The following ANGPT1 variants were observed in gnomAD, a reference collection of about 807,000 sequenced individuals.
ANGPT1 encodes the protein angiopoietin-1.
ANGPT1 carries 17 observed loss-of-function variants against 62.2 expected under a neutral mutation model. The observed-to-expected ratio is 0.27, with a 90% CI of 0.19 to 0.41. ANGPT1 has a LOEUF of 0.41. ANGPT1 is among the 10% of genes least tolerant of loss of function. The pLI is 1.00. For missense variants in ANGPT1, 478 were observed against 594.9 expected, an observed-to-expected ratio of 0.80 and a Z score of 2.04; for synonymous variants, 199 against 198.9, an observed-to-expected ratio of 1.00 and a Z score of 0.00.
chr8:107,302,614 T>C (rs557985693), intron 5 of ANGPT1, among the ~76,000 whole-genome samples: 2 of 152,060 alleles, frequency 1.3e-5, no homozygotes, highest in African/African-American at 4.8e-5. Flanking sequence ...GATGATTTAA[T>C]GAATAAATGG....
At chr8:107,324,992 C>A (rs926540219) in intron 3 of ANGPT1, among the ~76,000 whole-genome samples, 2 of 152,062 alleles carry the variant, frequency 1.3e-5, no homozygotes, top group South Asian at 2.1e-4. Context: ...TTTAAAAATT[C>A]TTTTGGAAAT....
chr8:107,371,681 A>G lies in ANGPT1; in HGVS notation c.298-24584T>C, dbSNP rs187418866. Among the ~76,000 whole-genome samples, 538 of 147,092 alleles carry G rather than the reference A, an allele frequency of 3.7e-3. 1 individual carries two copies. Among genetic ancestry groups the G allele is most frequent in the African/African-American group, 0.013 (504 of 39,516 alleles). On this transcript the variant is annotated intron_variant, in intron 1 of 8. Transcript: ENST00000517746. ...AACCTCCACCTCCCAGGTTCAAGTG[A>G]TTCTCCAGCCTCAACCTCCCTAGTA... is the stretch of plus-strand genomic sequence containing the variant.
intron 1 of ANGPT1, among the ~76,000 whole-genome samples, chr8:107,410,709 C>T (rs1249026344): frequency 1.3e-5 from 2 of 152,162 alleles, no homozygotes; most frequent in African/African-American, 4.8e-5. Flanking sequence ...TGTGACTTAA[C>T]AAACAAATGG....
intron 1 of ANGPT1, among the ~76,000 whole-genome samples, chr8:107,354,910 G>T (rs1816009221): frequency 6.8e-6 from 1 of 147,756 alleles, no homozygotes; most frequent in Admixed American, 6.7e-5. Flanking sequence ...ACACCAGATG[G>T]TGTTGCTTTT....
chr8:107,439,134 AG>A (rs897721427), intron 1 of ANGPT1, among the ~76,000 whole-genome samples: 1 of 152,232 alleles, frequency 6.6e-6, no homozygotes, highest in Non-Finnish European at 1.5e-5. Flanking sequence ...TCAGACTTAT[AG>A]GAAATCACTT....
At chr8:107,492,018 CA>C (rs1812971127) in intron 1 of ANGPT1, among the ~76,000 whole-genome samples, 1 of 152,110 alleles carries the variant, frequency 6.6e-6, no homozygotes, top group South Asian at 2.1e-4. Context: ...GCTGTTATAA[CA>C]CTAACTGCCT....
At chr8:107,483,245 G>A (rs1164943208) in intron 1 of ANGPT1, among the ~76,000 whole-genome samples, 1 of 152,064 alleles carries the variant, frequency 6.6e-6, no homozygotes, top group Admixed American at 6.6e-5. Context: ...AAGTATGTAA[G>A]CTTTAGTCTC....
At chr8:107,457,876 G>GA (rs544847621) in intron 1 of ANGPT1, among the ~76,000 whole-genome samples, 1 of 147,844 alleles carries the variant, frequency 6.8e-6, no homozygotes, top group Non-Finnish European at 1.5e-5. Flanking sequence ...ACCAAGAGGG[G>GA]AAAAAAATAC....
chr8:107,293,444 G>A lies in ANGPT1; in HGVS notation c.1038+492C>T, dbSNP rs78480014. Among the ~76,000 whole-genome samples the A allele has an allele frequency of 1.4e-3, 207 of 152,274 alleles. 2 individuals carry two copies. The East Asian group carries it at 0.033, about 24-fold the overall frequency. On this transcript the variant is annotated intron_variant, in intron 6 of 8. Coordinates refer to ENST00000517746, the MANE Select transcript of ANGPT1 (RefSeq NM_001146.5). ...GTCTTTGGAGGATGACAAGTGCTAC[G>A]TAAGAAGTCTGATAACCCTGGATCA...
intron 6 of ANGPT1, among the ~76,000 whole-genome samples, 183 bp from the exon 7 acceptor site, chr8:107,285,031 TTCTG>T (rs949438320): frequency 4.9e-4 from 74 of 152,316 alleles, no homozygotes; most frequent in African/African-American, 1.6e-3. Flanking sequence ...TCATCAAAGC[TTCTG>T]TCTAATTCTT....
intron 5 of ANGPT1, 114 bp from the exon 6 acceptor site, chr8:107,294,151 A>T: frequency 1.6e-6 from 1 of 637,068 alleles, no homozygotes; most frequent in Non-Finnish European, 2.6e-6. Flanking sequence ...CAAAAACCGA[A>T]ATTACTATAT....
chr8:107,462,377 A>G (rs573585421), intron 1 of ANGPT1, among the ~76,000 whole-genome samples: 1 of 151,868 alleles, frequency 6.6e-6, no homozygotes, highest in African/African-American at 2.4e-5. Flanking sequence ...AATATGAACT[A>G]GACAATTTGG....
rs546116600 is a variant in ANGPT1 at position 107,313,723 on chromosome 8, G to A, written c.808+8173C>T. Among the ~76,000 whole-genome samples, 17 of 151,974 alleles carry A rather than the reference G, an allele frequency of 1.1e-4. No individual in the cohort carries two copies. The East Asian group carries it at 1.9e-3, about 17-fold the overall frequency. ...CTCCCAAAGTGCTGGGACTACAGGC[G>A]TGAGCCACCACGACTGGCCAAAATG... On this transcript the variant is annotated intron_variant, in intron 4 of 8. Coordinates refer to ENST00000517746, the MANE Select transcript of ANGPT1 (RefSeq NM_001146.5).
At chr8:107,390,582 T>G (rs1476820543) in intron 1 of ANGPT1, among the ~76,000 whole-genome samples, 3 of 152,192 alleles carry the variant, frequency 2.0e-5, no homozygotes. Context: ...GGATCCAGAA[T>G]GAATCCTCAA....
In ANGPT1 at chr8:107,303,907, C is replaced by T. The variant is rs537278688; in HGVS notation, c.809-540G>A. 2.0e-5 allele frequency among the ~76,000 whole-genome samples: 3 copies of T among 151,882 alleles called. No homozygotes were observed. The South Asian group carries it at 6.2e-4, about 31-fold the overall frequency. ...ATTGAAGAGCTTCTAGAAAATTTTA[C>T]CAACAAAACAAAGCAAAACAAAAAG... is the stretch of plus-strand genomic sequence containing the variant. On this transcript the variant is annotated intron_variant, in intron 4 of 8. Transcript: ENST00000517746.
At chr8:107,278,773 C>T (rs1481986859) in intron 7 of ANGPT1, among the ~76,000 whole-genome samples, 1 of 152,242 alleles carries the variant, frequency 6.6e-6, no homozygotes, top group African/African-American at 2.4e-5. Flanking sequence ...AGATGCTTGA[C>T]TGCACAACCT....
chr8:107,436,950 T>A (rs1040363603), intron 1 of ANGPT1, among the ~76,000 whole-genome samples: 13 of 152,194 alleles, frequency 8.5e-5, no homozygotes, highest in Non-Finnish European at 1.9e-4. Flanking sequence ...ATTTAAACAG[T>A]TGAGATAACA....
intron 3 of ANGPT1, among the ~76,000 whole-genome samples, chr8:107,332,093 T>C (rs1815436012): frequency 6.6e-6 from 1 of 152,166 alleles, no homozygotes; most frequent in African/African-American, 2.4e-5. Flanking sequence ...GGAAACTGCA[T>C]TAGGACATCA....
intron 2 of ANGPT1, among the ~76,000 whole-genome samples, chr8:107,338,855 G>A (rs1293636803): frequency 6.6e-6 from 1 of 152,154 alleles, no homozygotes. Context: ...ATGTTTTGGT[G>A]ACATTTAGAA....
Sources: allele counts gnomAD v4.1 joint callset (sites outside exome capture counted in the v4.1 genomes callset), GRCh38; gene constraint gnomAD v4.1.1; transcripts MANE v1.5; gene names NCBI Gene and HGNC (gene_info 2026-07-23, HGNC 2026-07-21).